Variants in TRERF1 observed in about 807,000 individuals in gnomAD.
The protein encoded by TRERF1 is transcriptional-regulating factor 1.
In TRERF1, 27 loss-of-function variants were observed where a neutral mutation model predicts 122.9. The ratio of observed to expected loss-of-function variants is 0.22; its 90% CI spans 0.16 to 0.30. The LOEUF (loss-of-function observed/expected upper bound fraction) is 0.30. TRERF1 is among the 10% of genes least tolerant of loss of function. The probability of loss-of-function intolerance (pLI) is 1.00; values close to 1 mark genes in which losing one functional copy is unlikely to be tolerated. For missense variants in TRERF1, 1,248 were observed against 1,560.3 expected (o/e 0.80, Z 3.37); for synonymous variants, 636 against 641.7 (o/e 0.99, Z 0.13).
chr6:42,258,740 A>G (rs77060098), intron 9 of TRERF1, among the ~76,000 whole-genome samples: 80 of 145,432 alleles, frequency 5.5e-4, no homozygotes, highest in Non-Finnish European at 1.5e-4. Context: ...ACATCCCGTT[A>G]TTTTTTTTTT....
At chr6:42,265,630 C>G in intron 6 of TRERF1, 121 bp downstream of exon 6, 1 of 1,084,910 alleles carries the variant, frequency 9.2e-7, no homozygotes, top group Non-Finnish European at 1.4e-6. Flanking sequence ...ACAACAGCTG[C>G]TATTATTATT....
At chr6:42,283,806 G>A (rs1370008045) in intron 4 of TRERF1, among the ~76,000 whole-genome samples, 1 of 151,712 alleles carries the variant, frequency 6.6e-6, no homozygotes, top group Admixed American at 6.6e-5. Context: ...AGTAGAGACG[G>A]GGTTTCTCCA....
chr6:42,387,432 A>T (rs993741152), intron 2 of TRERF1, among the ~76,000 whole-genome samples: 2 of 152,158 alleles, frequency 1.3e-5, no homozygotes, highest in African/African-American at 4.8e-5. Context: ...CCTACCTACC[A>T]GCCTTTACCT....
In TRERF1 at chr6:42,277,939, G is replaced by GA. The variant is rs1554141779; in HGVS notation, c.-258-8092dup. Reference sequence around the variant, plus strand: ...AGAAGAAGAAGAAGAAGAAGAAGAAGAAGAAGAAGAAGAAGAAGAAGAAGA... The same window carrying GA: ...AGAAGAAGAAGAAGAAGAAGAAGAAGAAAGAAGAAGAAGAAGAAGAAGAAGA... On this transcript the variant is annotated intron_variant, in intron 4 of 17. Coordinates refer to ENST00000372922, the Ensembl canonical transcript of TRERF1. 5.6e-3 allele frequency among the ~76,000 whole-genome samples: 842 copies of GA among 149,692 alleles called. 12 individuals carry two copies. The highest frequency in any genetic ancestry group is 9.9e-3 in the Non-Finnish European group (668 of 67,572).
At chr6:42,291,363 T>A (rs1365678448) in intron 4 of TRERF1, among the ~76,000 whole-genome samples, 1 of 151,540 alleles carries the variant, frequency 6.6e-6, no homozygotes, top group East Asian at 1.9e-4. Flanking sequence ...GTCCCATGAA[T>A]CTGGCTGTCA....
At position 42,347,148 on chromosome 6, in the gene TRERF1, T is replaced by C. The variant is rs1211371240; in HGVS notation, c.-371+15849A>G. Among the ~76,000 whole-genome samples, 3 of 152,120 alleles carry C rather than the reference T, an allele frequency of 2.0e-5. No homozygotes were observed. The East Asian group carries it at 5.8e-4, about 29-fold the overall frequency. On this transcript the variant is annotated intron_variant, in intron 3 of 17. Transcript: ENST00000372922. ...ACCTTATCTGTAACAAACTTGGAAA[T>C]CAGAAGAAGCTGGAGGGGTTGGCAC...
intron 3 of TRERF1, among the ~76,000 whole-genome samples, chr6:42,327,156 C>T (rs1764428748): frequency 6.6e-6 from 1 of 152,196 alleles, no homozygotes; most frequent in Non-Finnish European, 1.5e-5. Flanking sequence ...TGATTCTCCA[C>T]CATTCCTTCA....
intron 3 of TRERF1, among the ~76,000 whole-genome samples, chr6:42,301,081 A>G (rs1041002489): frequency 1.3e-5 from 2 of 152,218 alleles, no homozygotes; most frequent in African/African-American, 4.8e-5. Flanking sequence ...GAGTTTCATT[A>G]TAATATCATT....
At position 42,239,645 on chromosome 6, in the gene TRERF1, T is replaced by C. The variant is rs368680968; in HGVS notation, c.2860-3234A>G. Among the ~76,000 whole-genome samples, 16 of 152,288 alleles carry C rather than the reference T, an allele frequency of 1.1e-4. No individual in the cohort carries two copies. In the East Asian group the frequency reaches 1.4e-3, roughly 13 times the overall value. ...ATTGAAGATACATGATCAGGAGAGC[T>C]ATCCCAGGTGTCCCAGGCAGGCCCC... is the stretch of plus-strand genomic sequence containing the variant. On this transcript the variant is annotated intron_variant, in intron 15 of 17. Transcript: ENST00000372922.
At chr6:42,374,847 A>C (rs2151076816) in intron 2 of TRERF1, among the ~76,000 whole-genome samples, 1 of 151,694 alleles carries the variant, frequency 6.6e-6, no homozygotes. Context: ...GTCTCTACTA[A>C]AAAAATACAA....
At chr6:42,442,938 T>C (rs1226118760) in intron 2 of TRERF1, among the ~76,000 whole-genome samples, 1 of 152,242 alleles carries the variant, frequency 6.6e-6, no homozygotes, top group African/African-American at 2.4e-5. Flanking sequence ...ATTTTACTTC[T>C]CGAGCCTCAG....
intron 15 of TRERF1, among the ~76,000 whole-genome samples, chr6:42,238,739 C>A (rs1475229397): frequency 6.6e-6 from 1 of 151,726 alleles, no homozygotes; most frequent in Non-Finnish European, 1.5e-5. Flanking sequence ...AAATGCTCAA[C>A]AACCCAAATC....
At chr6:42,414,407 A>C (rs1363380862) in intron 2 of TRERF1, among the ~76,000 whole-genome samples, 1 of 152,212 alleles carries the variant, frequency 6.6e-6, no homozygotes, top group Non-Finnish European at 1.5e-5. Flanking sequence ...TGATTCCATC[A>C]AAAATATTAT....
chr6:42,269,827 G>A lies in TRERF1; in HGVS notation c.-237C>T. ...TGAGGTATAGACCACACAGCACTGT[G>A]GTGAGGAGACGTCGCTCACACCTGC... On this transcript the variant is annotated 5_prime_UTR_variant, in exon 5 of 18. Transcript: ENST00000372922. The surrounding 1 kb of genome is among the most constrained non-coding windows in gnomAD (Gnocchi z 4.9). 8.6e-7 allele frequency: 1 copy of A among 1,159,944 alleles called. No homozygotes were observed. Among genetic ancestry groups the A allele is most frequent in the Non-Finnish European group, 1.1e-6 (1 of 875,428 alleles). 71.9% of individuals were successfully genotyped at this position (1,159,944 alleles called of 1,614,324 possible).
At chr6:42,347,601 C>T (rs553735165) in intron 3 of TRERF1, among the ~76,000 whole-genome samples, 1 of 152,172 alleles carries the variant, frequency 6.6e-6, no homozygotes, top group African/African-American at 2.4e-5. Context: ...GGACAGCAAC[C>T]GCCCCAGCCA....
chr6:42,385,977 T>C (rs1190217251), intron 2 of TRERF1, among the ~76,000 whole-genome samples: 2 of 152,208 alleles, frequency 1.3e-5, no homozygotes, highest in Non-Finnish European at 2.9e-5. Context: ...TTTAATTCTC[T>C]ATATGGGGGG....
At chr6:42,327,399 G>C (rs1218145865) in intron 3 of TRERF1, among the ~76,000 whole-genome samples, 2 of 152,276 alleles carry the variant, frequency 1.3e-5, no homozygotes, top group African/African-American at 4.8e-5. Context: ...TCTCAGAGAG[G>C]AGTCATTGAC....
intron 2 of TRERF1, among the ~76,000 whole-genome samples, chr6:42,424,146 T>C (rs1023625889): frequency 6.6e-6 from 1 of 152,232 alleles, no homozygotes; most frequent in African/African-American, 2.4e-5. Context: ...CATTTGGCTT[T>C]CCAGTGTTTT....
intron 2 of TRERF1, among the ~76,000 whole-genome samples, chr6:42,419,543 T>C (rs1225735924): frequency 2.0e-5 from 3 of 152,154 alleles, no homozygotes; most frequent in East Asian, 3.9e-4. Context: ...CTCAGCACCT[T>C]ACTATACACT....
Sources: gnomAD v4.1 joint callset for allele counts (sites outside exome capture counted in the v4.1 genomes callset) on GRCh38, gnomAD v4.1.1 for gene constraint, Gnocchi (gnomAD v3.1) non-coding constraint, MANE v1.5 for transcripts, NCBI Gene and HGNC (gene_info 2026-07-23, HGNC 2026-07-21) for gene names.